Variants in SHTN1 observed in about 807,000 individuals in gnomAD.
SHTN1 encodes shootin 1, also known as shootin-1.
Under a neutral mutation model 83.1 loss-of-function variants are expected in SHTN1, and 42 were observed. The ratio of observed to expected loss-of-function variants is 0.51; its 90% confidence interval spans 0.39 to 0.65. The LOEUF is 0.65. SHTN1 is among the 30% of genes least tolerant of loss of function. The pLI, the probability that SHTN1 is intolerant of heterozygous loss-of-function variation, is 0.00. For synonymous variants in SHTN1, 224 were observed against 247.7 expected, an observed-to-expected ratio of 0.90 and a Z score of 0.90; for missense variants, 622 against 737.8, an observed-to-expected ratio of 0.84 and a Z score of 1.82.
At chr10:116,900,559 G>A (rs1438743041) in intron 16 of SHTN1, 2 of 1,534,660 alleles carry the variant, frequency 1.3e-6, no homozygotes, top group African/African-American at 2.7e-5. Context: ...AATGGTAAAG[G>A]AGAAAAATCT....
At chr10:117,058,300 C>T (rs1852854228) in intron 1 of SHTN1, among the ~76,000 whole-genome samples, 1 of 152,032 alleles carries the variant, frequency 6.6e-6, no homozygotes, top group Non-Finnish European at 1.5e-5. Flanking sequence ...AAAAGCCAGA[C>T]TATATAGAGA....
chr10:116,891,395 A>G (rs1847337767), intron 16 of SHTN1, among the ~76,000 whole-genome samples: 1 of 152,236 alleles, frequency 6.6e-6, no homozygotes, highest in Non-Finnish European at 1.5e-5. Flanking sequence ...GGATGTCTGC[A>G]TTAGTCTGTG....
At chr10:116,990,844 C>T (rs1432278503) in intron 1 of SHTN1, among the ~76,000 whole-genome samples, 1 of 151,988 alleles carries the variant, frequency 6.6e-6, no homozygotes, top group Non-Finnish European at 1.5e-5. Flanking sequence ...CTTGGAAGGG[C>T]GGCATCTTCT....
At chr10:117,119,843 TA>T (rs34968901) in intron 1 of SHTN1, among the ~76,000 whole-genome samples, 39 of 148,016 alleles carry the variant, frequency 2.6e-4, no homozygotes, top group East Asian at 1.0e-3. Context: ...TAATCAGTTG[TA>T]AAAAAAAAAA....
intron 2 of SHTN1, among the ~76,000 whole-genome samples, chr10:117,017,315 C>A (rs1017670332): frequency 1.3e-5 from 2 of 151,808 alleles, no homozygotes; most frequent in Admixed American, 6.6e-5. Context: ...CACGGTGAAA[C>A]CCCATCTCTA....
chr10:117,088,358 T>C (rs1853381036), intron 1 of SHTN1, among the ~76,000 whole-genome samples: 1 of 152,242 alleles, frequency 6.6e-6, no homozygotes, highest in Admixed American at 6.5e-5. Flanking sequence ...TGTTTTGTTA[T>C]AAGGCATTGC....
At chr10:116,975,204 ACT>A (rs1478544614) in intron 2 of SHTN1, among the ~76,000 whole-genome samples, 3 of 152,150 alleles carry the variant, frequency 2.0e-5, no homozygotes, top group African/African-American at 7.2e-5. Context: ...ATTTGCTTAT[ACT>A]CTAATATTTT....
intron 5 of SHTN1, 134 bp downstream of exon 5, chr10:116,953,908 C>T (rs759597953): frequency 1.9e-5 from 13 of 701,886 alleles, no homozygotes; most frequent in Non-Finnish European, 2.6e-5. Flanking sequence ...GGATTACAGG[C>T]GTGAGCCACC....
chr10:116,915,403 A>G lies in SHTN1; in HGVS notation c.1277T>C (p.Val426Ala). 2 of 1,606,052 alleles carry G rather than the reference A, an allele frequency of 1.2e-6. No individual in the cohort carries two copies. Among genetic ancestry groups the G allele is most frequent in the Non-Finnish European group, 1.7e-6 (2 of 1,172,768 alleles). ...RIKKGVHLRP[V>A]NQTARPKTKP... is the part of the protein sequence containing the mutation. The stretch of plus-strand genomic sequence containing the variant: ...TGTCTTCGGTCTGGCTGTCTGATTA[A>G]CGGGTCTAAGATGAACTCCCTTTTT... Residue 426 changes from valine to alanine, a missense_variant, in exon 13 of 17, where the codon GTT (valine) becomes GCT (alanine). Coordinates refer to ENST00000355371, the MANE Select transcript of SHTN1 (RefSeq NM_001127211.3).
chr10:117,094,412 T>C (rs1853478317), intron 1 of SHTN1, among the ~76,000 whole-genome samples: 1 of 152,206 alleles, frequency 6.6e-6, no homozygotes, highest in South Asian at 2.1e-4. Flanking sequence ...CTTCCCCAGT[T>C]TTCCCCTCCT....
chr10:116,993,017 C>CTTTTTTTTTTTTT (rs35364697), intron 1 of SHTN1, among the ~76,000 whole-genome samples: 11 of 121,202 alleles, frequency 9.1e-5, no homozygotes, highest in African/African-American at 1.6e-4. Context: ...TCTTTTTTTT[C>CTTTTTTTTTTTTT]TTTTTTTTTT....
In SHTN1 at chr10:116,915,638, T is replaced by C. The variant is rs548871864; in HGVS notation, c.1196-154A>G. On this transcript the variant is annotated intron_variant, in intron 12 of 16. Coordinates refer to ENST00000355371, the MANE Select transcript of SHTN1 (RefSeq NM_001127211.3). The stretch of plus-strand genomic sequence containing the variant: ...CTAAAAATTTACTAGTTAACAGCTA[T>C]CAGGTAGCAACACTTAAAGAAAAAA... 7.3e-4 allele frequency among the ~76,000 whole-genome samples: 111 copies of C among 152,298 alleles called. 2 individuals are homozygous for C. In the South Asian group the frequency reaches 0.022, roughly 30 times the overall value.
At chr10:117,048,916 G>C (rs925577814) in intron 1 of SHTN1, among the ~76,000 whole-genome samples, 1 of 152,138 alleles carries the variant, frequency 6.6e-6, no homozygotes, top group Non-Finnish European at 1.5e-5. Context: ...TAAAGGCCTA[G>C]GTGGGAATCT....
rs1038841600 is a variant in SHTN1, at chr10:116,914,729, G to T, written c.1305+646C>A. 2.6e-5 allele frequency among the ~76,000 whole-genome samples: 4 copies of T among 152,170 alleles called. No individual in the cohort carries two copies. In the East Asian group the frequency reaches 7.7e-4, roughly 29 times the overall value. ...CTATTATTGGGCTTATTTAAATGTA[G>T]TGGATATACAAACAAAGGCAGGGGA... On this transcript the variant is annotated intron_variant, in intron 13 of 16. Transcript: ENST00000355371.
chr10:117,105,052 C>A (rs765627888), intron 1 of SHTN1, among the ~76,000 whole-genome samples: 1 of 152,032 alleles, frequency 6.6e-6, no homozygotes, highest in Non-Finnish European at 1.5e-5. Context: ...CACTCCACAA[C>A]CTTCACAGCC....
intron 2 of SHTN1, among the ~76,000 whole-genome samples, chr10:117,011,542 C>G (rs1852103443): frequency 6.6e-6 from 1 of 152,122 alleles, no homozygotes; most frequent in Non-Finnish European, 1.5e-5. Flanking sequence ...TTAAATGCTT[C>G]TAAAACAAAT....
At chr10:116,957,381 G>A (rs1850021877) in intron 4 of SHTN1, among the ~76,000 whole-genome samples, 1 of 150,562 alleles carries the variant, frequency 6.6e-6, no homozygotes. Context: ...AGCCTCCCGA[G>A]TAACTGCGAT....
chr10:117,075,151 T>C (rs1462216291), intron 1 of SHTN1, among the ~76,000 whole-genome samples: 1 of 152,202 alleles, frequency 6.6e-6, no homozygotes, highest in Non-Finnish European at 1.5e-5. Context: ...TAGATCTCCT[T>C]TCCCCAGAGT....
chr10:116,993,574 C>G (rs772397325), intron 1 of SHTN1, among the ~76,000 whole-genome samples: 1 of 151,960 alleles, frequency 6.6e-6, no homozygotes, highest in Non-Finnish European at 1.5e-5. Context: ...ATATAATTAA[C>G]TTTAGAGTTC....
Sources: allele counts gnomAD v4.1 joint callset (sites outside exome capture counted in the v4.1 genomes callset), GRCh38; gene constraint gnomAD v4.1.1; transcripts MANE v1.5; gene names NCBI Gene and HGNC (gene_info 2026-07-23, HGNC 2026-07-21).